TRERF1: variants seen among roughly 807,000 people sequenced by gnomAD.
The protein encoded by TRERF1 is transcriptional regulating factor 1.
Under a neutral mutation model 122.9 loss-of-function variants are expected in TRERF1, and 27 were observed. The ratio of observed to expected loss-of-function variants is 0.22; its 90% CI spans 0.16 to 0.30. TRERF1 has a LOEUF of 0.30. Ranked by LOEUF, TRERF1 falls within the 10% of genes least tolerant of loss-of-function variation. The pLI is 1.00. For synonymous variants in TRERF1, 636 were observed against 641.7 expected, an observed-to-expected ratio of 0.99 and a Z score of 0.13; for missense variants, 1,248 against 1,560.3, an observed-to-expected ratio of 0.80 and a Z score of 3.37.
At chr6:42,442,761 A>G (rs1395021066) in intron 2 of TRERF1, among the ~76,000 whole-genome samples, 2 of 152,316 alleles carry the variant, frequency 1.3e-5, no homozygotes, top group East Asian at 3.9e-4. Context: ...GGTTTCCACG[A>G]TCTTTTACAT....
intron 3 of TRERF1, among the ~76,000 whole-genome samples, chr6:42,320,135 A>T (rs1418514116): frequency 6.6e-6 from 1 of 152,044 alleles, no homozygotes; most frequent in Non-Finnish European, 1.5e-5. Context: ...TCCTGACCTC[A>T]AATGATCCAC....
intron 12 of TRERF1, among the ~76,000 whole-genome samples, chr6:42,255,354 T>A (rs1776545356): frequency 1.3e-5 from 2 of 151,684 alleles, no homozygotes; most frequent in Non-Finnish European, 2.9e-5. Flanking sequence ...ATAACTGTAC[T>A]ACACACACCA....
chr6:42,384,940 G>T (rs909010204), intron 2 of TRERF1, among the ~76,000 whole-genome samples: 2 of 151,800 alleles, frequency 1.3e-5, no homozygotes, highest in East Asian at 3.9e-4. Context: ...GAGTAGCTGG[G>T]ACTACAGGCA....
At chr6:42,234,042 G>A (rs185426732) in intron 16 of TRERF1, among the ~76,000 whole-genome samples, 3 of 152,056 alleles carry the variant, frequency 2.0e-5, no homozygotes, top group South Asian at 2.1e-4. Context: ...TGGGTGGGGG[G>A]CTCTGTTGTA....
intron 4 of TRERF1, among the ~76,000 whole-genome samples, chr6:42,286,657 G>A (rs1783281370): frequency 1.0e-5 from 1 of 98,492 alleles, no homozygotes; most frequent in South Asian, 4.1e-4. Context: ...TGCTGGAGAG[G>A]ATGTGGAGAA....
At chr6:42,417,622 CAG>C (rs1782028784) in intron 2 of TRERF1, among the ~76,000 whole-genome samples, 1 of 152,192 alleles carries the variant, frequency 6.6e-6, no homozygotes, top group Non-Finnish European at 1.5e-5. Flanking sequence ...CAGCAAGAGA[CAG>C]AGGGCAAGGC....
At position 42,369,267 on chromosome 6, in the gene TRERF1, T is replaced by C. The variant is rs554267463; in HGVS notation, c.-453-6188A>G. On this transcript the variant is annotated intron_variant, in intron 2 of 17. Transcript: ENST00000372922. ...GAGCTCCAGACCAGCCTGGCCAACATGGTGAAACCCCGTCTCTACTAAAAA... is the reference window on the plus strand; with the variant it reads ...GAGCTCCAGACCAGCCTGGCCAACACGGTGAAACCCCGTCTCTACTAAAAA... 4.3e-4 allele frequency among the ~76,000 whole-genome samples: 66 copies of C among 152,240 alleles called. No individual in the cohort carries two copies. The East Asian group carries it at 0.012, about 28-fold the overall frequency.
chr6:42,436,814 A>AATATATATAT lies in TRERF1; in HGVS notation c.-454+14353_-454+14362dup, dbSNP rs56057543. ...ATCTCCCTCTACAAAAAAAAAAAAA[A>AATATATATAT]ATATATATATATATATATATATATA... On this transcript the variant is annotated intron_variant, in intron 2 of 17. Transcript: ENST00000372922. Among the ~76,000 whole-genome samples the AATATATATAT allele has an allele frequency of 6.6e-3, 437 of 66,638 alleles. 5 individuals are homozygous for AATATATATAT. Among genetic ancestry groups the AATATATATAT allele is most frequent in the Non-Finnish European group, 8.9e-3 (325 of 36,436 alleles). 43.7% of individuals were successfully genotyped at this position (66,638 alleles called of 152,430 possible). A position where few individuals can be genotyped will look rare whatever the true frequency, so the allele number is the denominator to read the frequency against.
intron 2 of TRERF1, among the ~76,000 whole-genome samples, chr6:42,438,974 C>T (rs1015621242): frequency 7.9e-5 from 12 of 152,010 alleles, no homozygotes; most frequent in African/African-American, 2.9e-4. Context: ...AAGGGAGTGT[C>T]GCAGAATACA....
At chr6:42,265,875 G>A in intron 5 of TRERF1, 78 bp from the exon 6 acceptor site, 2 of 1,436,524 alleles carry the variant, frequency 1.4e-6, no homozygotes, top group Non-Finnish European at 1.9e-6. Context: ...CTCGAGCAGT[G>A]GGAACACCAG....
chr6:42,386,400 G>C (rs1450130626), intron 2 of TRERF1, among the ~76,000 whole-genome samples: 2 of 152,120 alleles, frequency 1.3e-5, no homozygotes, highest in African/African-American at 4.8e-5. Flanking sequence ...CCGAGATCAC[G>C]CCATTGCATT....
chr6:42,407,686 C>T (rs913905473), intron 2 of TRERF1, among the ~76,000 whole-genome samples: 2 of 152,038 alleles, frequency 1.3e-5, no homozygotes, highest in South Asian at 2.1e-4. Context: ...AACGCATTTC[C>T]TCTTTTTACT....
In TRERF1 at chr6:42,259,385, G is replaced by C; in HGVS notation, c.2223C>G (p.Pro741=). ...GTGGTGTGGGCGTCAGGGGCGTCAG[G>C]GGCAGCTGCGGGTGGGCGCCAGGGC... The change falls in exon 9 of 18, where the codon CCC becomes CCG. Residue 741 remains proline, a synonymous_variant. Transcript: ENST00000372922. The surrounding 1 kb of genome is among the most constrained non-coding windows in gnomAD (Gnocchi z 4.9). 2 of 1,525,306 alleles carry C rather than the reference G, an allele frequency of 1.3e-6. No individual in the cohort carries two copies. Among genetic ancestry groups the C allele is most frequent in the Non-Finnish European group, 1.7e-6 (2 of 1,146,574 alleles). 94.5% of individuals were successfully genotyped at this position (1,525,306 alleles called of 1,614,324 possible).
chr6:42,237,617 G>A (rs1054214914), intron 15 of TRERF1, among the ~76,000 whole-genome samples: 6 of 152,194 alleles, frequency 3.9e-5, no homozygotes, highest in Non-Finnish European at 8.8e-5. Context: ...CTTAATGCAC[G>A]TGGGTTCCAG....
intron 4 of TRERF1, among the ~76,000 whole-genome samples, chr6:42,293,267 G>A (rs1235376807): frequency 6.6e-6 from 1 of 152,228 alleles, no homozygotes; most frequent in Non-Finnish European, 1.5e-5. Flanking sequence ...CCCAGCAGGA[G>A]GTTTTATTTC....
At chr6:42,340,862 G>A (rs1466723942) in intron 3 of TRERF1, among the ~76,000 whole-genome samples, 2 of 152,192 alleles carry the variant, frequency 1.3e-5, no homozygotes, top group African/African-American at 2.4e-5. Context: ...CTCTGATGGA[G>A]GAAGTTTCTC....
In TRERF1 at chr6:42,329,964, G is replaced by A. The variant is rs1334614230; in HGVS notation, c.-370-29215C>T. On this transcript the variant is annotated intron_variant, in intron 3 of 17. Transcript: ENST00000372922. ...AGATTGTACCACTGCTCTCCAGCCT[G>A]GGCGACAGAGCAAGACTCTGTCTTG... 2.6e-5 allele frequency among the ~76,000 whole-genome samples: 4 copies of A among 151,984 alleles called. No individual in the cohort carries two copies. In the East Asian group the frequency reaches 7.7e-4, roughly 29 times the overall value.
chr6:42,279,472 G>C (rs556534495), intron 4 of TRERF1, among the ~76,000 whole-genome samples: 2 of 152,328 alleles, frequency 1.3e-5, no homozygotes, highest in Admixed American at 6.5e-5. Context: ...TAAAGATAGA[G>C]GGGAAGTGGG....
At chr6:42,289,372 A>G (rs1011243446) in intron 4 of TRERF1, among the ~76,000 whole-genome samples, 3 of 151,812 alleles carry the variant, frequency 2.0e-5, no homozygotes, top group Admixed American at 1.3e-4. Flanking sequence ...AAAAAACACA[A>G]CCCAGCAACA....
Sources: gnomAD v4.1 joint callset for allele counts (sites outside exome capture counted in the v4.1 genomes callset) on GRCh38, gnomAD v4.1.1 for gene constraint, Gnocchi (gnomAD v3.1) non-coding constraint, MANE v1.5 for transcripts, NCBI Gene and HGNC (gene_info 2026-07-23, HGNC 2026-07-21) for gene names.